C12orf42: variants seen among roughly 807,000 people sequenced by gnomAD.
The protein encoded by C12orf42 is uncharacterized protein C12orf42.
A neutral mutation model predicts 21.6 loss-of-function variants in C12orf42; 25 were observed. The observed-to-expected ratio is 1.16, with a 90% CI of 0.84 to 1.62. The LOEUF is 1.62. Among genes scored for constraint, C12orf42 ranks in the 40% most tolerant of loss-of-function variants. The pLI is 0.00. For synonymous variants in C12orf42, 174 were observed against 175.0 expected, an observed-to-expected ratio of 0.99 and a Z score of 0.05; for missense variants, 483 against 459.3, an observed-to-expected ratio of 1.05 and a Z score of -0.47.
At chr12:103,240,898 T>G (rs2033705922) in intron 10 of C12orf42, among the ~76,000 whole-genome samples, 1 of 152,120 alleles carries the variant, frequency 6.6e-6, no homozygotes. Flanking sequence ...ACACAGTAGA[T>G]GCCCTGCATG....
At chr12:103,074,795 G>A in the C12orf42 span, among the ~76,000 whole-genome samples, 2 of 152,146 alleles carry the variant, frequency 1.3e-5, no homozygotes, top group Non-Finnish European at 2.9e-5. Flanking sequence ...GAGATAGATT[G>A]AACATTCACT....
the C12orf42 span, among the ~76,000 whole-genome samples, chr12:103,561,998 C>G: frequency 2.0e-5 from 3 of 152,212 alleles, no homozygotes; most frequent in Non-Finnish European, 4.4e-5. Flanking sequence ...AAGTCCAAGG[C>G]AGGTCAGTAC....
At chr12:103,529,173 G>A in the C12orf42 span, among the ~76,000 whole-genome samples, 4 of 152,114 alleles carry the variant, frequency 2.6e-5, no homozygotes, top group Admixed American at 6.5e-5. Context: ...TCCACGTATC[G>A]GCATCTGGTG....
chr12:103,198,936 A>T, the C12orf42 span, among the ~76,000 whole-genome samples: 1 of 152,224 alleles, frequency 6.6e-6, no homozygotes, highest in Admixed American at 6.5e-5. Flanking sequence ...CTAGTCAGCC[A>T]TCTTGCTGCT....
the C12orf42 span, among the ~76,000 whole-genome samples, chr12:103,098,049 C>T: frequency 1.3e-5 from 2 of 152,236 alleles, no homozygotes; most frequent in African/African-American, 2.4e-5. Flanking sequence ...TCTTAGACAA[C>T]ATCCCTCTGG....
At chr12:103,393,646 A>G (rs1350207513) in intron 3 of C12orf42, among the ~76,000 whole-genome samples, 2 of 152,188 alleles carry the variant, frequency 1.3e-5, no homozygotes, top group African/African-American at 4.8e-5. Context: ...TCTGATTCCC[A>G]CACTGGAATG....
At chr12:103,113,581 T>A in the C12orf42 span, among the ~76,000 whole-genome samples, 13 of 150,950 alleles carry the variant, frequency 8.6e-5, no homozygotes, top group African/African-American at 3.2e-4. Context: ...AAGGGGGTGC[T>A]ACTGGCATCT....
chr12:103,282,220 GA>G (rs1250293978), intron 4 of C12orf42, among the ~76,000 whole-genome samples: 2 of 152,076 alleles, frequency 1.3e-5, no homozygotes, highest in African/African-American at 4.8e-5. Context: ...CCTCAAATAA[GA>G]ATAAATCTAA....
chr12:103,516,226 T>TA, the C12orf42 span, among the ~76,000 whole-genome samples: 1 of 152,238 alleles, frequency 6.6e-6, no homozygotes, highest in Non-Finnish European at 1.5e-5. Context: ...TTGTAGTTTT[T>TA]ATCTTAATTT....
At chr12:103,556,288 C>A in the C12orf42 span, among the ~76,000 whole-genome samples, 1 of 152,154 alleles carries the variant, frequency 6.6e-6, no homozygotes, top group Non-Finnish European at 1.5e-5. Context: ...AGTATAAGCA[C>A]TCAAAGATGA....
intron 4 of C12orf42, among the ~76,000 whole-genome samples, chr12:103,318,677 A>G (rs2039779314): frequency 6.6e-6 from 1 of 152,158 alleles, no homozygotes; most frequent in Admixed American, 6.6e-5. Context: ...GCTGAGTTTC[A>G]GTCCCTTTCC....
the C12orf42 span, among the ~76,000 whole-genome samples, chr12:103,561,430 G>T: frequency 6.6e-6 from 1 of 152,136 alleles, no homozygotes; most frequent in Non-Finnish European, 1.5e-5. Flanking sequence ...TTCTGGTAAG[G>T]GCAGTCTTTC....
At chr12:103,187,217 C>A in the C12orf42 span, among the ~76,000 whole-genome samples, 2 of 152,144 alleles carry the variant, frequency 1.3e-5, no homozygotes, top group African/African-American at 4.8e-5. Flanking sequence ...GGGCCACACA[C>A]TATTTTAAGT....
chr12:103,460,185 CA>C (rs1218163491), intron 2 of C12orf42, among the ~76,000 whole-genome samples: 2 of 151,890 alleles, frequency 1.3e-5, no homozygotes, highest in Non-Finnish European at 2.9e-5. Flanking sequence ...ACATAGCAGG[CA>C]ACCTTTACAC....
At chr12:103,177,326 G>A in the C12orf42 span, among the ~76,000 whole-genome samples, 1 of 152,106 alleles carries the variant, frequency 6.6e-6, no homozygotes, top group Non-Finnish European at 1.5e-5. Flanking sequence ...AGAACAAAAT[G>A]CTCTCCACAA....
chr12:103,203,508 T>G, the C12orf42 span, among the ~76,000 whole-genome samples: 1 of 152,172 alleles, frequency 6.6e-6, no homozygotes, highest in Non-Finnish European at 1.5e-5. Flanking sequence ...TTTAAAAAAA[T>G]GTCCACTCTG....
the C12orf42 span, among the ~76,000 whole-genome samples, chr12:103,090,249 AC>A: frequency 6.6e-6 from 1 of 152,162 alleles, no homozygotes. Context: ...TATGGAGGAA[AC>A]GTTTCTGGCG....
chr12:103,137,973 TA>T, the C12orf42 span, among the ~76,000 whole-genome samples: 98 of 152,082 alleles, frequency 6.4e-4, no homozygotes, highest in Non-Finnish European at 9.7e-4. Context: ...ATAATAACTA[TA>T]GTTAACAACA....
chr12:103,368,104 G>C, intron 4 of C12orf42: 2 of 1,272,006 alleles, frequency 1.6e-6, no homozygotes, highest in Non-Finnish European at 2.1e-6. Context: ...CAGTGAAATG[G>C]TCCTAAAAAT....
Sources: allele counts gnomAD v4.1 joint callset (sites outside exome capture counted in the v4.1 genomes callset), GRCh38; gene constraint gnomAD v4.1.1; transcripts MANE v1.5; gene names NCBI Gene and HGNC (gene_info 2026-07-23, HGNC 2026-07-21).